The following TIA1 variants were observed in gnomAD, a reference collection of about 807,000 sequenced individuals.
TIA1 encodes the protein TIA1 cytotoxic granule associated RNA binding protein, also known as cytotoxic granule associated RNA binding protein TIA1.
Under a neutral mutation model 65.9 loss-of-function variants are expected in TIA1, and 23 were observed. The observed-to-expected ratio is 0.35, with a 90% CI of 0.25 to 0.49. TIA1 has a LOEUF of 0.49. Among genes scored for constraint, TIA1 ranks in the 20% least tolerant of loss-of-function variants. TIA1 has a pLI of 0.98. For synonymous variants in TIA1, 147 were observed against 149.4 expected (o/e 0.98, Z 0.12); for missense variants, 371 against 477.9 (o/e 0.78, Z 2.09).
At chr2:70,222,560 T>C (rs368365186) in intron 7 of TIA1, among the ~76,000 whole-genome samples, 94 of 152,316 alleles carry the variant, frequency 6.2e-4, no homozygotes, top group African/African-American at 2.2e-3. Context: ...CAAGCACGTA[T>C]CACAAATTTT....
At chr2:70,239,958 A>C (rs1281241975) in intron 1 of TIA1, among the ~76,000 whole-genome samples, 1 of 152,230 alleles carries the variant, frequency 6.6e-6, no homozygotes, top group Non-Finnish European at 1.5e-5. Flanking sequence ...TAGTTAATAA[A>C]TGTAGAAAGA....
chr2:70,245,409 A>C (rs1056746598), intron 1 of TIA1, among the ~76,000 whole-genome samples: 1 of 152,232 alleles, frequency 6.6e-6, no homozygotes, highest in Non-Finnish European at 1.5e-5. Context: ...AGTAAACCAC[A>C]CAAAGGATAT....
chr2:70,236,466 T>G (rs1337178204), intron 1 of TIA1, among the ~76,000 whole-genome samples: 2 of 151,884 alleles, frequency 1.3e-5, no homozygotes, highest in Non-Finnish European at 2.9e-5. Flanking sequence ...CCCAAAGTGC[T>G]GAAATTACAG....
At chr2:70,215,610 T>C in intron 10 of TIA1, 116 bp from the exon 11 acceptor site, 1 of 938,120 alleles carries the variant, frequency 1.1e-6, no homozygotes, top group South Asian at 1.9e-5. Flanking sequence ...TAACATGGCA[T>C]ATTTTCTTTG....
rs1000050581 is a variant in TIA1 at position 70,212,000 on chromosome 2, C to T, written c.*719G>A. ...TAAAAATCCTTTTAAACAAATCCAA[C>T]AGGAAATTCTTGAGGCACCTTCTCA... On this transcript the variant is annotated 3_prime_UTR_variant, in exon 13 of 13. Coordinates refer to ENST00000433529, the MANE Select transcript of TIA1 (RefSeq NM_022173.4). 2.0e-5 allele frequency: 3 copies of T among 152,552 alleles called. No individual in the cohort carries two copies. Among genetic ancestry groups the T allele is most frequent in the African/African-American group, 7.2e-5 (3 of 41,438 alleles). 9.4% of individuals were successfully genotyped at this position (152,552 alleles called of 1,614,324 possible).
At chr2:70,231,980 A>G (rs1241871874) in intron 2 of TIA1, among the ~76,000 whole-genome samples, 1 of 151,842 alleles carries the variant, frequency 6.6e-6, no homozygotes, top group East Asian at 1.9e-4. Flanking sequence ...AGGCAGGCGG[A>G]TCATGAGGTC....
chr2:70,224,539 T>C lies in TIA1; in HGVS notation c.474+15A>G. 6.2e-7 allele frequency: 1 copy of C among 1,614,004 alleles called. No individual in the cohort carries two copies. Among genetic ancestry groups the C allele is most frequent in the South Asian group, 1.1e-5 (1 of 91,068 alleles). ...ACTCTTTAAGCATTATCCATGCACT[T>C]CTCACTGAGCTCACCCATTTGTTGA... is the stretch of plus-strand genomic sequence containing the variant. On this transcript the variant is annotated intron_variant, in intron 7 of 12. Transcript: ENST00000433529.
intron 1 of TIA1, among the ~76,000 whole-genome samples, chr2:70,238,780 G>A (rs1165745340): frequency 6.6e-6 from 1 of 152,152 alleles, no homozygotes; most frequent in Non-Finnish European, 1.5e-5. Context: ...ATTAGGGGCA[G>A]TGGCTCACAT....
At chr2:70,243,639 G>A (rs144975155) in intron 1 of TIA1, among the ~76,000 whole-genome samples, 1 of 152,134 alleles carries the variant, frequency 6.6e-6, no homozygotes, top group South Asian at 2.1e-4. Flanking sequence ...TATGCCTGTA[G>A]ACATCTTAAG....
chr2:70,227,170 G>C (rs1248411490), intron 6 of TIA1, among the ~76,000 whole-genome samples: 2 of 152,052 alleles, frequency 1.3e-5, no homozygotes, highest in Non-Finnish European at 2.9e-5. Flanking sequence ...TCTCAAGTAA[G>C]GTATTTATTC....
intron 6 of TIA1, among the ~76,000 whole-genome samples, chr2:70,225,646 C>T (rs753123795): frequency 2.0e-5 from 3 of 152,140 alleles, no homozygotes; most frequent in Non-Finnish European, 4.4e-5. Context: ...TATTTTAGAT[C>T]AATCTGAGTG....
intron 12 of TIA1, among the ~76,000 whole-genome samples, chr2:70,213,656 C>T (rs1050376816): frequency 1.4e-5 from 2 of 148,126 alleles, no homozygotes; most frequent in Non-Finnish European, 3.0e-5. Context: ...ACCACAAAAT[C>T]CTTTTTTTTT....
At chr2:70,225,100 A>C in intron 6 of TIA1, 1 of 1,003,776 alleles carries the variant, frequency 1.0e-6, no homozygotes. Flanking sequence ...TAAACTATTT[A>C]ATTTTTTCAG....
intron 1 of TIA1, among the ~76,000 whole-genome samples, chr2:70,247,906 TGAGTACAAGCACCCTC>T (rs1171358984): frequency 4.0e-5 from 6 of 150,424 alleles, no homozygotes; most frequent in African/African-American, 1.5e-4. Flanking sequence ...GCACTGAAAA[TGAGTACAAGCACCCTC>T]GAGGAGGAAA....
intron 10 of TIA1, 130 bp from the exon 11 acceptor site, chr2:70,215,624 T>C (rs1678249584): frequency 5.8e-6 from 5 of 859,984 alleles, no homozygotes; most frequent in Non-Finnish European, 6.8e-6. Flanking sequence ...TTCTTTGCTA[T>C]TTTTTTCAAA....
At chr2:70,214,299 T>C (rs1402827780) in intron 12 of TIA1, 50 bp downstream of exon 12, 1 of 1,550,614 alleles carries the variant, frequency 6.4e-7, no homozygotes, top group Non-Finnish European at 8.7e-7. Flanking sequence ...ACTTAAAATT[T>C]CTTTAGACAT....
intron 12 of TIA1, among the ~76,000 whole-genome samples, chr2:70,213,667 T>A (rs1036516229): frequency 6.6e-6 from 1 of 151,756 alleles, no homozygotes; most frequent in African/African-American, 2.4e-5. Context: ...CTTTTTTTTT[T>A]TTGAGACAGA....
intron 12 of TIA1, among the ~76,000 whole-genome samples, chr2:70,213,361 T>A (rs1382394797): frequency 6.6e-6 from 1 of 150,970 alleles, no homozygotes; most frequent in African/African-American, 2.4e-5. Flanking sequence ...TTTTTTTTTT[T>A]AAGACAGGTT....
At chr2:70,227,884 T>A in intron 5 of TIA1, 62 bp from the exon 6 acceptor site, 1 of 1,124,532 alleles carries the variant, frequency 8.9e-7, no homozygotes, top group Non-Finnish European at 1.3e-6. Flanking sequence ...TAAAAAGTAC[T>A]AAAATCTATC....
Sources: gnomAD v4.1 joint callset for allele counts (sites outside exome capture counted in the v4.1 genomes callset) on GRCh38, gnomAD v4.1.1 for gene constraint, MANE v1.5 for transcripts, NCBI Gene and HGNC (gene_info 2026-07-23, HGNC 2026-07-21) for gene names.